LRBA: variants seen among roughly 807,000 people sequenced by gnomAD.
LRBA encodes lipopolysaccharide-responsive and beige-like anchor protein.
LRBA carries 176 observed loss-of-function variants against 330.0 expected under a neutral mutation model. That is an observed-to-expected ratio of 0.53 (90% confidence interval 0.47 to 0.60). LRBA has a LOEUF of 0.60. LRBA is among the 20% of genes least tolerant of loss of function. The pLI, the probability that LRBA is intolerant of heterozygous loss-of-function variation, is 0.00. For synonymous variants in LRBA, 1,230 were observed against 1,193.0 expected (o/e 1.03, Z -0.64); for missense variants, 3,259 against 3,444.8 (o/e 0.95, Z 1.35).
chr4:150,418,522 A>G (rs1748111477), intron 46 of LRBA, among the ~76,000 whole-genome samples: 1 of 152,186 alleles, frequency 6.6e-6, no homozygotes, highest in African/African-American at 2.4e-5. Flanking sequence ...ATCAGTTTCC[A>G]TTTAATTACT....
intron 40 of LRBA, among the ~76,000 whole-genome samples, chr4:150,518,473 C>T (rs576322809): frequency 1.7e-4 from 26 of 152,270 alleles, no homozygotes; most frequent in African/African-American, 6.0e-4. Flanking sequence ...ACTGTATGGT[C>T]ATGTAGGATG....
chr4:150,750,718 C>T, intron 35 of LRBA, among the ~76,000 whole-genome samples: 1 of 152,036 alleles, frequency 6.6e-6, no homozygotes. Flanking sequence ...CAGGAGTGAA[C>T]TACAATGCCC....
At chr4:150,296,321 A>T (rs1028723250) in intron 53 of LRBA, among the ~76,000 whole-genome samples, 1 of 152,208 alleles carries the variant, frequency 6.6e-6, no homozygotes, top group African/African-American at 2.4e-5. Flanking sequence ...AGCTACAAGA[A>T]TGAAAGCTTA....
At chr4:150,557,940 C>T (rs1056421908) in intron 40 of LRBA, among the ~76,000 whole-genome samples, 3 of 152,092 alleles carry the variant, frequency 2.0e-5, no homozygotes, top group Non-Finnish European at 2.9e-5. Flanking sequence ...CTCTGTCACC[C>T]AGGCTGGAGT....
At chr4:150,851,544 T>C (rs754094097) in intron 23 of LRBA, among the ~76,000 whole-genome samples, 5 of 152,222 alleles carry the variant, frequency 3.3e-5, no homozygotes, top group Non-Finnish European at 7.3e-5. Flanking sequence ...CTAGAGTTTG[T>C]TGGAAAACTA....
chr4:150,584,279 C>A, intron 40 of LRBA: 2 of 618,568 alleles, frequency 3.2e-6, no homozygotes, highest in South Asian at 5.3e-5. Context: ...GAGAGCAACC[C>A]AACCAAAACA....
chr4:150,681,381 C>A (rs1394838443), intron 37 of LRBA, among the ~76,000 whole-genome samples: 2 of 152,162 alleles, frequency 1.3e-5, no homozygotes, highest in African/African-American at 4.8e-5. Flanking sequence ...TTGTCAGCTA[C>A]ATTTTCTTAC....
intron 28 of LRBA, among the ~76,000 whole-genome samples, chr4:150,839,829 A>T (rs1748775224): frequency 6.6e-6 from 1 of 152,130 alleles, no homozygotes; most frequent in Admixed American, 6.5e-5. Context: ...TGGCACATGG[A>T]TACATATGTA....
intron 47 of LRBA, among the ~76,000 whole-genome samples, chr4:150,376,419 A>G (rs1741336085): frequency 6.6e-6 from 1 of 152,242 alleles, no homozygotes; most frequent in Non-Finnish European, 1.5e-5. Flanking sequence ...TGATTTTGAA[A>G]TAAGTTTAGA....
chr4:150,501,085 C>T (rs530000947), intron 40 of LRBA, among the ~76,000 whole-genome samples: 1 of 152,228 alleles, frequency 6.6e-6, no homozygotes, highest in South Asian at 2.1e-4. Flanking sequence ...TCTTAAAGGA[C>T]CTATATGTAA....
chr4:150,532,306 C>A (rs980680589), intron 40 of LRBA, among the ~76,000 whole-genome samples: 5 of 152,124 alleles, frequency 3.3e-5, no homozygotes, highest in Non-Finnish European at 7.4e-5. Flanking sequence ...GTTGAATACA[C>A]ATTAAAATAT....
intron 48 of LRBA, among the ~76,000 whole-genome samples, chr4:150,326,835 G>A (rs961618865): frequency 6.6e-6 from 1 of 152,134 alleles, no homozygotes; most frequent in Non-Finnish European, 1.5e-5. Context: ...TCCCGTAACA[G>A]TCAGTATGCT....
chr4:151,008,230 G>A (rs758208608), intron 2 of LRBA, among the ~76,000 whole-genome samples: 8 of 151,782 alleles, frequency 5.3e-5, no homozygotes, highest in South Asian at 4.2e-4. Context: ...ACAGGCATGC[G>A]CCACCACACC....
intron 44 of LRBA, among the ~76,000 whole-genome samples, chr4:150,457,750 A>G (rs1389632127): frequency 1.3e-5 from 2 of 151,974 alleles, no homozygotes; most frequent in Admixed American, 6.6e-5. Flanking sequence ...AATAGTTCCT[A>G]TGTAAATTCA....
At chr4:150,735,451 G>T in intron 35 of LRBA, 85 bp from the exon 36 acceptor site, 1 of 853,080 alleles carries the variant, frequency 1.2e-6, no homozygotes, top group South Asian at 1.5e-5. Flanking sequence ...GGAGAGGAAG[G>T]AATACTTACT....
At chr4:150,725,165 T>C (rs946313000) in intron 36 of LRBA, among the ~76,000 whole-genome samples, 1 of 151,646 alleles carries the variant, frequency 6.6e-6, no homozygotes. Context: ...AAGAGGTAGA[T>C]AAAAAGAGAG....
intron 2 of LRBA, among the ~76,000 whole-genome samples, chr4:150,953,350 CCTCTCCCT>C (rs1194018696): frequency 6.6e-6 from 1 of 150,748 alleles, no homozygotes; most frequent in African/African-American, 2.4e-5. Context: ...AGAATAGCTC[CCTCTCCCT>C]CTCTCCCTCC....
intron 47 of LRBA, among the ~76,000 whole-genome samples, chr4:150,358,366 A>C (rs1738177634): frequency 6.6e-6 from 1 of 152,144 alleles, no homozygotes; most frequent in African/African-American, 2.4e-5. Context: ...TATGAAAGGC[A>C]GGCTCACCAT....
At chr4:150,296,897 C>T (rs1338990338) in intron 53 of LRBA, among the ~76,000 whole-genome samples, 1 of 151,680 alleles carries the variant, frequency 6.6e-6, no homozygotes, top group Non-Finnish European at 1.5e-5. Flanking sequence ...TGTTATGGAC[C>T]ACCCCCCCGC....
Sources: allele counts gnomAD v4.1 joint callset (sites outside exome capture counted in the v4.1 genomes callset), GRCh38; gene constraint gnomAD v4.1.1; transcripts MANE v1.5; gene names NCBI Gene and HGNC (gene_info 2026-07-23, HGNC 2026-07-21).